The following HS6ST2 variants were observed in gnomAD, a reference collection of about 807,000 sequenced individuals.
HS6ST2 encodes the protein heparan-sulfate 6-O-sulfotransferase 2.
A neutral mutation model predicts 33.0 loss-of-function variants in HS6ST2; 17 were observed. The observed-to-expected ratio is 0.52, with a 90% CI of 0.35 to 0.77. HS6ST2 has a LOEUF of 0.77. HS6ST2 is among the 30% of genes least tolerant of loss of function. The pLI, the probability that HS6ST2 is intolerant of heterozygous loss-of-function variation, is 0.01. For missense variants in HS6ST2, 519 were observed against 551.7 expected, an observed-to-expected ratio of 0.94 and a Z score of 0.59; for synonymous variants, 248 against 237.1, an observed-to-expected ratio of 1.05 and a Z score of -0.42.
chrX:132,643,743 A>T (rs2063619528), intron 4 of HS6ST2, among the ~76,000 whole-genome samples: 1 of 111,727 alleles, frequency 9.0e-6, no homozygotes, highest in South Asian at 3.8e-4. Flanking sequence ...TATTTGGTTG[A>T]CGTTCACTTA....
At chrX:132,891,604 C>A (rs1223890930) in intron 2 of HS6ST2, among the ~76,000 whole-genome samples, 2 of 109,942 alleles carry the variant, frequency 1.8e-5, no homozygotes, top group Non-Finnish European at 3.8e-5. Flanking sequence ...TCTCATTGTT[C>A]AATTCCCACC....
At position 132,637,942 on chromosome X, in the gene HS6ST2, T is replaced by A. The variant is rs868498768; in HGVS notation, c.1068-8849A>T. Among the ~76,000 whole-genome samples, 111 of 72,603 alleles carry A rather than the reference T, an allele frequency of 1.5e-3. No individual in the cohort carries two copies. The South Asian group carries it at 0.017, about 11-fold the overall frequency. 63.0% of individuals were successfully genotyped at this position (72,603 alleles called of 115,157 possible). On this transcript the variant is annotated intron_variant, in intron 4 of 4. Transcript: ENST00000370833. ...TTTATATATATATTATATATAATAT[T>A]TTATATATAATATATATAAAATATT... is the stretch of plus-strand genomic sequence containing the variant.
chrX:132,801,329 C>T (rs1256818045), intron 2 of HS6ST2, among the ~76,000 whole-genome samples: 1 of 111,719 alleles, frequency 9.0e-6, no homozygotes, highest in African/African-American at 3.3e-5. Context: ...TAATATCCTC[C>T]TATTTTCTTG....
At chrX:132,818,993 C>T in intron 2 of HS6ST2, among the ~76,000 whole-genome samples, 1 of 111,402 alleles carries the variant, frequency 9.0e-6, no homozygotes, top group Non-Finnish European at 1.9e-5. Flanking sequence ...GATGTATTTT[C>T]AATGTATCCT....
intron 2 of HS6ST2, among the ~76,000 whole-genome samples, chrX:132,898,175 C>A (rs966472994): frequency 1.8e-5 from 2 of 109,424 alleles, no homozygotes; most frequent in African/African-American, 3.3e-5. Flanking sequence ...CCGAAACCAT[C>A]CCCCACCTCC....
intron 2 of HS6ST2, among the ~76,000 whole-genome samples, chrX:132,874,485 A>G (rs1641674900): frequency 8.9e-6 from 1 of 111,796 alleles, no homozygotes; most frequent in South Asian, 3.8e-4. Flanking sequence ...CTGAGGCAGG[A>G]GAATTGCTTG....
intron 2 of HS6ST2, among the ~76,000 whole-genome samples, chrX:132,777,570 AC>A (rs2064974710): frequency 9.5e-6 from 1 of 105,708 alleles, no homozygotes; most frequent in Admixed American, 1.0e-4. Flanking sequence ...AGCTGAGATT[AC>A]AGGCATGCCA....
chrX:132,867,556 T>C (rs1369399433), intron 2 of HS6ST2, among the ~76,000 whole-genome samples: 1 of 112,136 alleles, frequency 8.9e-6, no homozygotes, highest in East Asian at 2.8e-4. Flanking sequence ...GAAGGAATGG[T>C]ACCAGTTCCT....
intron 4 of HS6ST2, among the ~76,000 whole-genome samples, chrX:132,665,481 G>A (rs2063802289): frequency 9.0e-6 from 1 of 111,594 alleles, no homozygotes; most frequent in African/African-American, 3.3e-5. Context: ...TGTAAAGTAT[G>A]AAAATGTTCC....
chrX:132,789,292 T>C (rs1569491166), intron 2 of HS6ST2, among the ~76,000 whole-genome samples: 1 of 111,574 alleles, frequency 9.0e-6, no homozygotes, highest in Non-Finnish European at 1.9e-5. Context: ...ATGTTAAATC[T>C]ACTCAGTCAG....
intron 2 of HS6ST2, among the ~76,000 whole-genome samples, chrX:132,917,994 A>G (rs1291071892): frequency 8.9e-6 from 1 of 112,414 alleles, no homozygotes; most frequent in Non-Finnish European, 1.9e-5. Context: ...AAAGACAGGC[A>G]CTGTCCTCCC....
chrX:132,850,177 A>G (rs1366705657), intron 2 of HS6ST2, among the ~76,000 whole-genome samples: 2 of 112,249 alleles, frequency 1.8e-5, no homozygotes, highest in Non-Finnish European at 3.8e-5. Flanking sequence ...TAAAAAGTTT[A>G]TTTTTAGAGT....
chrX:132,927,185 T>C (rs1354721574), intron 2 of HS6ST2, among the ~76,000 whole-genome samples: 2 of 110,854 alleles, frequency 1.8e-5, no homozygotes, highest in African/African-American at 6.6e-5. Context: ...ACTCGCAGCA[T>C]TCTTTCTGTT....
chrX:132,866,894 T>C (rs1262675879), intron 2 of HS6ST2, among the ~76,000 whole-genome samples: 1 of 107,345 alleles, frequency 9.3e-6, no homozygotes, highest in Non-Finnish European at 1.9e-5. Flanking sequence ...GACGATGGGG[T>C]TTTCTAGATA....
At chrX:132,672,767 G>A (rs868648111) in intron 3 of HS6ST2, among the ~76,000 whole-genome samples, 1 of 112,116 alleles carries the variant, frequency 8.9e-6, no homozygotes, top group South Asian at 3.7e-4. Flanking sequence ...TATTCAGGTG[G>A]GAAAATTGCA....
At chrX:132,725,721 T>C (rs2064385991) in intron 2 of HS6ST2, among the ~76,000 whole-genome samples, 1 of 112,205 alleles carries the variant, frequency 8.9e-6, no homozygotes, top group Non-Finnish European at 1.9e-5. Context: ...CCATGTTTGT[T>C]GCAGCACTGT....
chrX:132,780,356 C>T (rs971391923), intron 2 of HS6ST2, among the ~76,000 whole-genome samples: 2 of 110,914 alleles, frequency 1.8e-5, no homozygotes, highest in Non-Finnish European at 3.8e-5. Context: ...CTGAAAACAA[C>T]GTCTCTGATG....
At chrX:132,850,731 T>TACACACAG (rs1556469621) in intron 2 of HS6ST2, among the ~76,000 whole-genome samples, 3 of 105,974 alleles carry the variant, frequency 2.8e-5, no homozygotes, top group African/African-American at 1.0e-4. Context: ...TTTCTACATC[T>TACACACAG]ACACACACAC....
At chrX:132,958,154 C>T in intron 1 of HS6ST2, 21 bp downstream of exon 1, 1 of 1,107,962 alleles carries the variant, frequency 9.0e-7, no homozygotes, top group Non-Finnish European at 1.2e-6. Context: ...AGCGCGAACC[C>T]CGCTTTCACC....
Sources: allele counts gnomAD v4.1 joint callset (sites outside exome capture counted in the v4.1 genomes callset), GRCh38; gene constraint gnomAD v4.1.1; transcripts MANE v1.5; gene names NCBI Gene and HGNC (gene_info 2026-07-23, HGNC 2026-07-21).